The following MLST8 variants were observed in gnomAD, a reference collection of about 807,000 sequenced individuals.
MLST8 encodes the protein MTOR associated protein MLST8, also known as target of rapamycin complex subunit LST8.
Under a neutral mutation model 41.3 loss-of-function variants are expected in MLST8, and 20 were observed. The ratio of observed to expected loss-of-function variants is 0.48; its 90% CI spans 0.34 to 0.70. MLST8 has a LOEUF of 0.70. Ranked by LOEUF, MLST8 falls within the 30% of genes least tolerant of loss-of-function variation. The probability of loss-of-function intolerance (pLI) is 0.01; values close to 1 mark genes in which losing one functional copy is unlikely to be tolerated. For missense variants in MLST8, 422 were observed against 454.3 expected (o/e 0.93, Z 0.65); for synonymous variants, 243 against 183.0 (o/e 1.33, Z -2.65).
chr16:2,206,460 C>G (rs26863), intron 3 of MLST8, 37 bp from the exon 4 acceptor site: 732,718 of 1,612,478 alleles, frequency 0.45, 174,025 homozygotes, highest in East Asian at 0.61. Flanking sequence ...GGGTCGACCT[C>G]AGCACAGCCA....
chr16:2,209,020 A>T lies in MLST8; in HGVS notation c.*143A>T. 1 of 909,912 alleles carries T rather than the reference A, an allele frequency of 1.1e-6. No individual in the cohort carries two copies. Among genetic ancestry groups the T allele is most frequent in the Non-Finnish European group, 1.7e-6 (1 of 583,126 alleles). The allele number at this position is 909,912 out of a possible 1,614,324, so 56.4% of individuals were successfully genotyped here. On this transcript the variant is annotated 3_prime_UTR_variant, in exon 9 of 9. Coordinates refer to ENST00000569417, the MANE Select transcript of MLST8 (RefSeq NM_022372.6). ...CTGTGGCGCCTTGACCTGCTGGGCCAGGCTGCCCTGGGACTCTCAGCCCCC... is the reference window on the plus strand; with the variant it reads ...CTGTGGCGCCTTGACCTGCTGGGCCTGGCTGCCCTGGGACTCTCAGCCCCC...
chr16:2,206,841 G>C, intron 4 of MLST8, 182 bp downstream of exon 4: 1 of 1,018,788 alleles, frequency 9.8e-7, no homozygotes, highest in East Asian at 2.6e-5. Flanking sequence ...CTTGAGCCCG[G>C]AGCCAGCTTG....
intron 8 of MLST8, 43 bp from the exon 9 acceptor site, chr16:2,208,716 G>T: frequency 6.2e-7 from 1 of 1,613,552 alleles, no homozygotes. Flanking sequence ...CGCCTGCTTG[G>T]CCTGCACCTG....
Position 2,209,122 on chromosome 16 carries a change from T to TGGGAAAGTCGGCCGA in MLST8, c.*249_*263dup. ...CTGGACTGGGCTAGCCTGCACTGCC[T>TGGGAAAGTCGGCCGA]GGGAAAGTCGGCCGAGGGCCCAAAG... On this transcript the variant is annotated 3_prime_UTR_variant, in exon 9 of 9. Transcript: ENST00000569417. 1.6e-6 allele frequency: 1 copy of TGGGAAAGTCGGCCGA among 639,674 alleles called. No homozygotes were observed. The highest frequency in any genetic ancestry group is 2.7e-6 in the Non-Finnish European group (1 of 372,262). 39.6% of individuals were successfully genotyped at this position (639,674 alleles called of 1,614,324 possible). A position where few individuals can be genotyped will look rare whatever the true frequency, so the allele number is the denominator to read the frequency against.
rs888487877 is a variant in MLST8, at chr16:2,208,576, C to T, written c.825C>T (p.Gly275=). ...PGESSRGWMW[G]CAFSGDSQYI... is the part of the protein sequence containing the mutation. ...AGTCCTCCCGCGGCTGGATGTGGGG[C>T]TGCGCCTTCTCGGGGGACTCCCAGT... is the stretch of plus-strand genomic sequence containing the variant. The change falls in exon 8 of 9, where the codon GGC becomes GGT. Residue 275 remains glycine (G), a synonymous_variant. Coordinates refer to ENST00000569417, the MANE Select transcript of MLST8 (RefSeq NM_022372.6). The T allele has an allele frequency of 1.9e-6, 3 of 1,612,622 alleles. No homozygotes were observed. Among genetic ancestry groups the T allele is most frequent in the Non-Finnish European group, 2.5e-6 (3 of 1,179,766 alleles).
chr16:2,205,948 G>A (rs1021771082), intron 1 of MLST8, 83 bp from the exon 2 acceptor site: 9 of 1,454,586 alleles, frequency 6.2e-6, no homozygotes, highest in Non-Finnish European at 8.2e-6. Context: ...GGAATGATAA[G>A]CGCCATTCGG....
rs2093295953 is a variant in MLST8 at position 2,206,659 on chromosome 16, G to C, written c.344G>C (p.Arg115Thr). Residue 115 changes from arginine (R) to threonine (T), a missense_variant and splice_region_variant, in exon 4 of 9, where the codon AGG becomes ACG. Arg to Thr is a moderately conservative substitution (Grantham distance 71). Transcript: ENST00000569417. ...TGCACAGCCAGGATCTGGGACCTCAGGTGCGGTGGGGAGGGGGCGTGCTGC... is the reference window on the plus strand; with the variant it reads ...TGCACAGCCAGGATCTGGGACCTCACGTGCGGTGGGGAGGGGGCGTGCTGC... ...EDCTARIWDL[R>T]SRNLQCQRIF... 1.9e-6 allele frequency: 3 copies of C among 1,612,556 alleles called. No homozygotes were observed. The highest frequency in any genetic ancestry group is 2.5e-6 in the Non-Finnish European group (3 of 1,179,978).
At chr16:2,205,960 A>G (rs2093277737) in intron 1 of MLST8, 71 bp from the exon 2 acceptor site, 5 of 1,463,838 alleles carry the variant, frequency 3.4e-6, no homozygotes, top group South Asian at 1.4e-5. Context: ...GCCATTCGGC[A>G]GCGCCTTGTG....
intron 6 of MLST8, 95 bp downstream of exon 6, chr16:2,207,440 C>A: frequency 6.8e-7 from 1 of 1,475,460 alleles, no homozygotes. Flanking sequence ...CTTAGCGGCC[C>A]CCTCCTGCTT....
At position 2,209,283 on chromosome 16, in the gene MLST8, A is replaced by C; in HGVS notation, c.*406A>C. On this transcript the variant is annotated 3_prime_UTR_variant, in exon 9 of 9. Transcript: ENST00000569417. ...GTGGAAGGGTTTATTAGTCCCTGCC[A>C]GCAGCTGTCCTCCCTGGTGCAGGTG... The C allele has an allele frequency of 1.5e-6, 2 of 1,320,222 alleles. No homozygotes were observed. Among genetic ancestry groups the C allele is most frequent in the Non-Finnish European group, 1.1e-6 (1 of 933,330 alleles). The allele number at this position is 1,320,222 out of a possible 1,614,324, so 81.8% of individuals were successfully genotyped here. A position where few individuals can be genotyped will look rare whatever the true frequency, so the allele number is the denominator to read the frequency against.
rs1382161677 is a variant in MLST8 at position 2,209,232 on chromosome 16, A to G, written c.*355A>G. On this transcript the variant is annotated 3_prime_UTR_variant, in exon 9 of 9. Coordinates refer to ENST00000569417, the MANE Select transcript of MLST8 (RefSeq NM_022372.6). ...TGCCCGCGTTTCAGGGCCTCGGTCCATAGAGAACACCACCACCATGGCCAG... is the reference window on the plus strand; with the variant it reads ...TGCCCGCGTTTCAGGGCCTCGGTCCGTAGAGAACACCACCACCATGGCCAG... The G allele has an allele frequency of 3.3e-6, 3 of 897,358 alleles. No homozygotes were observed. Among genetic ancestry groups the G allele is most frequent in the South Asian group, 1.7e-5 (1 of 60,122 alleles). 55.6% of individuals were successfully genotyped at this position (897,358 alleles called of 1,614,324 possible).
At chr16:2,205,544 C>A (rs946067925) in intron 1 of MLST8, 32 bp downstream of exon 1, 2 of 402,034 alleles carry the variant, frequency 5.0e-6, no homozygotes, top group South Asian at 1.0e-4. Flanking sequence ...GGCCGGGAAC[C>A]GGCTGCTGGG....
chr16:2,207,281 A>C lies in MLST8; in HGVS notation c.509A>C (p.Glu170Ala), dbSNP rs762058056. 223 of 1,614,042 alleles carry C rather than the reference A, an allele frequency of 1.4e-4. No homozygotes were observed. The highest frequency in any genetic ancestry group is 1.8e-4 in the Non-Finnish European group (218 of 1,180,012). ...AACGAGCAGCTGATCCCTGAGCCCG[A>C]GGTCTCCATCACGTCCGCCCACATC... ...DHNEQLIPEP[E>A]VSITSAHIDP... The change falls in exon 6 of 9, where the codon GAG becomes GCG. Residue 170 changes from glutamate to alanine, a missense_variant. By Grantham distance (107) the Glu-to-Ala change is moderately radical. Transcript: ENST00000569417.
At position 2,206,633 on chromosome 16, in the gene MLST8, C is replaced by T; in HGVS notation, c.318C>T (p.Asp106=). 6.2e-7 allele frequency: 1 copy of T among 1,613,690 alleles called. No homozygotes were observed. ...GCTGGATGTACACGGGCGGCGAGGA[C>T]TGCACAGCCAGGATCTGGGACCTCA... ...DGRWMYTGGE[D]CTARIWDLRS... The change falls in exon 4 of 9, where the codon GAC becomes GAT. Residue 106 remains aspartate (D), a synonymous_variant. Coordinates refer to ENST00000569417, the MANE Select transcript of MLST8 (RefSeq NM_022372.6).
intron 4 of MLST8, 127 bp from the exon 5 acceptor site, chr16:2,206,908 C>T (rs2093302483): frequency 7.8e-6 from 10 of 1,276,272 alleles, no homozygotes; most frequent in East Asian, 4.7e-5. Flanking sequence ...GAGGGCCCTG[C>T]GTCCCAAGTA....
intron 6 of MLST8, 51 bp from the exon 7 acceptor site, chr16:2,208,159 G>A (rs774313539): frequency 1.3e-6 from 2 of 1,551,062 alleles, no homozygotes; most frequent in Non-Finnish European, 1.7e-6. Context: ...CCTTCCCTGT[G>A]TCTCAGACCT....
intron 6 of MLST8, chr16:2,207,694 TTC>T (rs2093322251): frequency 2.9e-6 from 1 of 345,582 alleles, no homozygotes; most frequent in Non-Finnish European, 5.4e-6. Context: ...CCCTGACACG[TTC>T]TCTCTTGGAT....
rs563989794 is a variant in MLST8, at chr16:2,207,460, C to T, written c.573+115C>T. The T allele has an allele frequency of 1.4e-4, 180 of 1,323,568 alleles. 2 individuals are homozygous for T. In the South Asian group the frequency reaches 1.6e-3, roughly 12 times the overall value. The allele number at this position is 1,323,568 out of a possible 1,614,324, so 82.0% of individuals were successfully genotyped here. A position where few individuals can be genotyped will look rare whatever the true frequency, so the allele number is the denominator to read the frequency against. The stretch of plus-strand genomic sequence containing the variant: ...CGGCCCCCTCCTGCTTTCCCCATCC[C>T]GGGCACTAACACCCACCTTGCCAGC... On this transcript the variant is annotated intron_variant, in intron 6 of 8. Coordinates refer to ENST00000569417, the MANE Select transcript of MLST8 (RefSeq NM_022372.6).
At chr16:2,206,903 C>A in intron 4 of MLST8, 132 bp from the exon 5 acceptor site, 3 of 1,238,544 alleles carry the variant, frequency 2.4e-6, no homozygotes, top group Non-Finnish European at 1.2e-6. Context: ...GAGCAGAGGG[C>A]CCTGCGTCCC....
Sources: gnomAD v4.1 joint callset for allele counts on GRCh38, gnomAD v4.1.1 for gene constraint, MANE v1.5 for transcripts, NCBI Gene and HGNC (gene_info 2026-07-23, HGNC 2026-07-21) for gene names.